Variants in GRIP1 observed in about 807,000 individuals in gnomAD.
The protein encoded by GRIP1 is glutamate receptor-interacting protein 1.
A neutral mutation model predicts 129.9 loss-of-function variants in GRIP1; 45 were observed. The ratio of observed to expected loss-of-function variants is 0.35; its 90% confidence interval spans 0.27 to 0.44. GRIP1 has a LOEUF of 0.44. Ranked by LOEUF, GRIP1 falls within the 20% of genes least tolerant of loss-of-function variation. The probability of loss-of-function intolerance (pLI) is 1.00; values close to 1 mark genes in which losing one functional copy is unlikely to be tolerated. For synonymous variants in GRIP1, 530 were observed against 520.8 expected (o/e 1.02, Z -0.24); for missense variants, 1,196 against 1,396.8 (o/e 0.86, Z 2.29).
intron 2 of GRIP1, among the ~76,000 whole-genome samples, chr12:66,562,058 T>C (rs1028885063): frequency 5.9e-5 from 9 of 152,104 alleles, no homozygotes; most frequent in African/African-American, 2.2e-4. Context: ...CAGTGAGCCA[T>C]GATTGCACTA....
chr12:66,717,553 C>T (rs1032119390), intron 1 of GRIP1, among the ~76,000 whole-genome samples: 1 of 152,108 alleles, frequency 6.6e-6, no homozygotes, highest in African/African-American at 2.4e-5. Flanking sequence ...TCTTGTCATG[C>T]TCTGTCATTA....
rs752929746 is a variant in GRIP1 at position 66,444,644 on chromosome 12, G to C, written c.1627C>G (p.Leu543Val). The C allele has an allele frequency of 6.2e-7, 1 of 1,613,962 alleles. No individual in the cohort carries two copies. Among genetic ancestry groups the C allele is most frequent in the Non-Finnish European group, 8.5e-7 (1 of 1,179,984 alleles). The change falls in exon 13 of 25, where the codon CTC (leucine) becomes GTC (valine). Residue 543 changes from leucine (L) to valine (V), a missense_variant. This residue lies in a region of GRIP1 where 508 missense variants were observed against 587.0 expected (regional missense o/e 0.87). Transcript: ENST00000359742. Reference sequence around the variant, plus strand: ...CTCGTGATTGAAGAGTCTCGGAGGAGCTGACTGGCTTCTTCGAAGGTGCTG... The same window carrying C: ...CTCGTGATTGAAGAGTCTCGGAGGACCTGACTGGCTTCTTCGAAGGTGCTG... ...EDSTFEEASQ[L>V]LRDSSITSKV...
At chr12:66,517,179 A>G (rs112042431) in intron 6 of GRIP1, among the ~76,000 whole-genome samples, 4 of 152,302 alleles carry the variant, frequency 2.6e-5, no homozygotes, top group African/African-American at 9.6e-5. Flanking sequence ...TAATGGCAGC[A>G]GTTGTGTTCC....
intron 1 of GRIP1, among the ~76,000 whole-genome samples, chr12:66,629,219 T>C (rs1218277023): frequency 2.6e-5 from 4 of 152,236 alleles, no homozygotes; most frequent in Admixed American, 1.3e-4. Flanking sequence ...TTTTAGTACA[T>C]TAGGATATTC....
intron 2 of GRIP1, among the ~76,000 whole-genome samples, chr12:66,544,460 A>T (rs2139246949): frequency 6.6e-6 from 1 of 152,290 alleles, no homozygotes; most frequent in Admixed American, 6.5e-5. Context: ...GGAAGCAGCC[A>T]CAGAGAAGAT....
intron 1 of GRIP1, among the ~76,000 whole-genome samples, chr12:66,901,013 G>A (rs1183834805): frequency 6.6e-6 from 1 of 152,198 alleles, no homozygotes; most frequent in African/African-American, 2.4e-5. Flanking sequence ...CATGGGAGTA[G>A]AGATACATGA....
intron 23 of GRIP1, among the ~76,000 whole-genome samples, chr12:66,364,587 CA>C (rs1176385553): frequency 6.6e-6 from 1 of 152,170 alleles, no homozygotes; most frequent in Non-Finnish European, 1.5e-5. Flanking sequence ...GGACAGAACT[CA>C]AAGTCATCCT....
intron 1 of GRIP1, among the ~76,000 whole-genome samples, chr12:67,020,881 C>G (rs929206460): frequency 3.3e-5 from 5 of 152,034 alleles, no homozygotes; most frequent in African/African-American, 1.2e-4. Context: ...GGGAGGATCA[C>G]TTTAGTCCAG....
intron 1 of GRIP1, among the ~76,000 whole-genome samples, chr12:66,790,567 A>C (rs2038498987): frequency 6.6e-6 from 1 of 152,196 alleles, no homozygotes; most frequent in Non-Finnish European, 1.5e-5. Flanking sequence ...AGTATAAAGT[A>C]GATGAAATAG....
chr12:66,628,174 G>C (rs1339298669), intron 1 of GRIP1, among the ~76,000 whole-genome samples: 1 of 152,150 alleles, frequency 6.6e-6, no homozygotes, highest in Non-Finnish European at 1.5e-5. Context: ...TTCAGAGCAG[G>C]CTTTCTCTAG....
intron 1 of GRIP1, among the ~76,000 whole-genome samples, chr12:66,847,290 C>T (rs2039834848): frequency 2.0e-5 from 3 of 152,142 alleles, no homozygotes; most frequent in Admixed American, 2.0e-4. Context: ...TTTAACAGGG[C>T]TACAAACCCC....
intron 1 of GRIP1, among the ~76,000 whole-genome samples, chr12:67,062,103 C>A (rs756389156): frequency 9.2e-5 from 14 of 152,164 alleles, no homozygotes; most frequent in Non-Finnish European, 1.3e-4. Flanking sequence ...TCAAATGTTT[C>A]CTCCCTGCTG....
At chr12:66,959,390 TA>T (rs926261851) in intron 1 of GRIP1, among the ~76,000 whole-genome samples, 2 of 151,226 alleles carry the variant, frequency 1.3e-5, no homozygotes, top group African/African-American at 4.8e-5. Flanking sequence ...TGAGCCAATC[TA>T]AAAAAAAAGC....
rs201211390 is a variant in GRIP1, at chr12:66,406,395, G to A, written c.1872C>T (p.Leu624=). The change falls in exon 16 of 25, where the codon CTC becomes CTT. Residue 624 remains leucine (L), a synonymous_variant. Coordinates refer to ENST00000359742, the MANE Select transcript of GRIP1 (RefSeq NM_001366722.1). ...TGTCCAGCCGGATATTATCTATTGC[G>A]AGCAATTTATCCCCAAGTTCCAGGG... is the stretch of plus-strand genomic sequence containing the variant. ...TGTLELGDKL[L]AIDNIRLDNC... The A allele has an allele frequency of 1.1e-5, 18 of 1,613,864 alleles. No homozygotes were observed. Among genetic ancestry groups the A allele is most frequent in the South Asian group, 3.3e-5 (3 of 91,084 alleles).
chr12:66,478,148 C>A (rs1182927508), intron 7 of GRIP1, among the ~76,000 whole-genome samples: 2 of 152,148 alleles, frequency 1.3e-5, no homozygotes. Flanking sequence ...GGGCTAATAT[C>A]CTAATCTACA....
intron 1 of GRIP1, among the ~76,000 whole-genome samples, chr12:66,956,786 G>C (rs1383732623): frequency 3.9e-5 from 6 of 152,062 alleles, no homozygotes; most frequent in African/African-American, 1.2e-4. Flanking sequence ...ACTACTACTG[G>C]GATGTCACTG....
At chr12:67,012,775 A>C (rs1034080756) in intron 1 of GRIP1, among the ~76,000 whole-genome samples, 6 of 152,112 alleles carry the variant, frequency 3.9e-5, no homozygotes, top group African/African-American at 1.4e-4. Flanking sequence ...CAGGCATCAC[A>C]CCTAGAATCC....
chr12:66,402,055 A>G (rs900932617), intron 16 of GRIP1, among the ~76,000 whole-genome samples: 4 of 152,110 alleles, frequency 2.6e-5, no homozygotes, highest in Non-Finnish European at 4.4e-5. Context: ...ACCTACTACC[A>G]AGTCCTTGCA....
chr12:66,505,500 A>C (rs2060503059), intron 7 of GRIP1, among the ~76,000 whole-genome samples: 1 of 152,162 alleles, frequency 6.6e-6, no homozygotes, highest in East Asian at 1.9e-4. Context: ...CAAAAAACTC[A>C]TCCACGCCTG....
Sources: allele counts gnomAD v4.1 joint callset (sites outside exome capture counted in the v4.1 genomes callset), GRCh38; gene constraint gnomAD v4.1.1; regional missense constraint gnomAD v4.1.1; transcripts MANE v1.5; gene names NCBI Gene and HGNC (gene_info 2026-07-23, HGNC 2026-07-21).